CD163L1: variants seen among roughly 807,000 people sequenced by gnomAD.
CD163L1 encodes the protein scavenger receptor cysteine-rich type 1 protein M160.
Under a neutral mutation model 165.4 loss-of-function variants are expected in CD163L1, and 124 were observed. That is an observed-to-expected ratio of 0.75 (90% CI 0.65 to 0.87). The LOEUF is 0.87. Ranked by LOEUF, CD163L1 falls within the 40% of genes least tolerant of loss-of-function variation. CD163L1 has a pLI of 0.00. For synonymous variants in CD163L1, 585 were observed against 662.2 expected (o/e 0.88, Z 1.79); for missense variants, 1,525 against 1,799.9 (o/e 0.85, Z 2.76).
At chr12:7,415,549 T>C (rs749956914) in intron 4 of CD163L1, among the ~76,000 whole-genome samples, 1 of 152,206 alleles carries the variant, frequency 6.6e-6, no homozygotes, top group South Asian at 2.1e-4. Context: ...CTACATAAAG[T>C]ATTTCTTCTA....
chr12:7,441,990 C>T (rs1333737546), intron 1 of CD163L1, among the ~76,000 whole-genome samples: 1 of 151,848 alleles, frequency 6.6e-6, no homozygotes, highest in Non-Finnish European at 1.5e-5. Context: ...AATACACAAG[C>T]GAAGGAGTTG....
At chr12:7,392,687 T>TA (rs1591917456) in intron 8 of CD163L1, among the ~76,000 whole-genome samples, 1 of 151,576 alleles carries the variant, frequency 6.6e-6, no homozygotes, top group East Asian at 1.9e-4. Flanking sequence ...CCAAAACTAA[T>TA]AAAGAAGGAG....
At chr12:7,438,459 G>A (rs1444493868) in intron 2 of CD163L1, among the ~76,000 whole-genome samples, 4 of 152,256 alleles carry the variant, frequency 2.6e-5, no homozygotes, top group Non-Finnish European at 4.4e-5. Flanking sequence ...TGACCAAGCA[G>A]GATGTGAAAA....
downstream of CD163L1, among the ~76,000 whole-genome samples, chr12:7,344,262 G>A (rs1946655061): frequency 6.6e-6 from 1 of 151,626 alleles, no homozygotes; most frequent in South Asian, 2.1e-4. Context: ...TTATTTTTTT[G>A]CACAGATGTT....
At chr12:7,360,864 G>A (rs1031503051) in intron 18 of CD163L1, among the ~76,000 whole-genome samples, 2 of 152,084 alleles carry the variant, frequency 1.3e-5, no homozygotes, top group African/African-American at 2.4e-5. Context: ...ATTTTGGTTC[G>A]TATGTTGGAT....
the CD163L1 span, chr12:7,324,578 C>A: frequency 6.2e-7 from 1 of 1,613,816 alleles, no homozygotes; most frequent in South Asian, 1.1e-5. Flanking sequence ...TGTCAGTAGT[C>A]CAGATCAAAT....
intron 8 of CD163L1, among the ~76,000 whole-genome samples, chr12:7,381,072 C>G (rs1947396795): frequency 6.6e-6 from 1 of 151,908 alleles, no homozygotes; most frequent in African/African-American, 2.4e-5. Context: ...GTATCAGCTT[C>G]TTTTCTATTG....
Position 7,396,171 on chromosome 12 carries a change from A to G in CD163L1, c.1974T>C (p.Asp658=). The G allele has an allele frequency of 1.2e-6, 2 of 1,614,136 alleles. No homozygotes were observed. Among genetic ancestry groups the G allele is most frequent in the South Asian group, 1.1e-5 (1 of 91,080 alleles). ...DDVSCDGDES[D]LWSCRNSGWG... Reference sequence around the variant, plus strand: ...ACCCACTGTTCCTGCATGACCAGAGATCTGACTCATCTCCATCACAGGAAA... The same window carrying G: ...ACCCACTGTTCCTGCATGACCAGAGGTCTGACTCATCTCCATCACAGGAAA... The change falls in exon 8 of 20, where the codon GAT becomes GAC. Residue 658 remains aspartate (D), a synonymous_variant. Transcript: ENST00000313599.
chr12:7,429,147 C>T (rs1386407184), intron 4 of CD163L1, among the ~76,000 whole-genome samples: 1 of 151,900 alleles, frequency 6.6e-6, no homozygotes, highest in East Asian at 1.9e-4. Context: ...TTTTATCTTC[C>T]TCATTTCGTC....
chr12:7,441,009 CTTTA>C (rs1811530373), intron 2 of CD163L1, 141 bp downstream of exon 2: 1 of 579,194 alleles, frequency 1.7e-6, no homozygotes, highest in Admixed American at 2.7e-5. Flanking sequence ...ATTTGGACAC[CTTTA>C]TTTACAGGGT....
At chr12:7,323,696 C>A in the CD163L1 span, 1 of 751,382 alleles carries the variant, frequency 1.3e-6, no homozygotes, top group Non-Finnish European at 2.2e-6. Flanking sequence ...TATCATCTGT[C>A]ACCCAAGAGT....
the CD163L1 span, among the ~76,000 whole-genome samples, chr12:7,339,832 T>C: frequency 6.6e-6 from 1 of 152,186 alleles, no homozygotes; most frequent in Admixed American, 6.5e-5. Context: ...TTTTTCATGC[T>C]AGACAATGAA....
the CD163L1 span, among the ~76,000 whole-genome samples, chr12:7,319,286 TG>T: frequency 1.3e-5 from 2 of 151,806 alleles, no homozygotes; most frequent in African/African-American, 4.8e-5. Context: ...GGAGCTCAGG[TG>T]GTAATGCGGG....
chr12:7,430,620 G>A (rs945548624), intron 4 of CD163L1, among the ~76,000 whole-genome samples: 6 of 152,030 alleles, frequency 3.9e-5, no homozygotes, highest in Non-Finnish European at 7.4e-5. Flanking sequence ...GAGAGAAGGC[G>A]GGAAATTAAA....
Position 7,368,154 on chromosome 12 carries a change from G to A in CD163L1, c.4116C>T (p.Leu1372=), listed in dbSNP as rs773475901. ...TGAGAAATAGAATAAACAGAACCAGGAGAAGGAGCCCAAAGATACTGGATA... is the reference window on the plus strand; with the variant it reads ...TGAGAAATAGAATAAACAGAACCAGAAGAAGGAGCCCAAAGATACTGGATA... The part of the protein sequence containing the change: ...LILSSIFGLL[L]LVLFILFLTW... Residue 1372 remains leucine (L), a synonymous_variant, in exon 17 of 20, where the codon CTC becomes CTT. Coordinates refer to ENST00000313599, the MANE Select transcript of CD163L1 (RefSeq NM_174941.6). The surrounding 1 kb of genome is among the most constrained non-coding windows in gnomAD (Gnocchi z 4.3). The A allele has an allele frequency of 1.2e-6, 2 of 1,612,276 alleles. No homozygotes were observed. The highest frequency in any genetic ancestry group is 1.7e-6 in the Non-Finnish European group (2 of 1,178,454).
the CD163L1 span, among the ~76,000 whole-genome samples, chr12:7,328,976 AC>A: frequency 6.7e-6 from 1 of 148,712 alleles, no homozygotes; most frequent in African/African-American, 2.4e-5. Flanking sequence ...ATACATATAT[AC>A]ATATGTGTAT....
rs923109443 is a variant in CD163L1, at chr12:7,440,115, A to T, written c.124+1039T>A. On this transcript the variant is annotated intron_variant, in intron 2 of 19. Coordinates refer to ENST00000313599, the MANE Select transcript of CD163L1 (RefSeq NM_174941.6). ...GGAAGCCGACCAATGGCGGGCTTGG[A>T]CCCGCCGCGCCAGCGTGGCCACGTC... 4.2e-4 allele frequency: 320 copies of T among 757,178 alleles called. 2 individuals carry two copies. Among genetic ancestry groups the T allele is most frequent in the Admixed American group, 5.8e-4 (26 of 44,748 alleles). The allele number at this position is 757,178 out of a possible 1,614,324, so 46.9% of individuals were successfully genotyped here. A position where few individuals can be genotyped will look rare whatever the true frequency, so the allele number is the denominator to read the frequency against.
rs1591968991 is a variant in CD163L1, at chr12:7,432,656, A to C, written c.526T>G (p.Trp176Gly). 6.2e-7 allele frequency: 1 copy of C among 1,613,988 alleles called. No homozygotes were observed. Among genetic ancestry groups the C allele is most frequent in the African/African-American group, 1.3e-5 (1 of 74,986 alleles). Reference sequence around the variant, plus strand: ...CACCCATCATCACATATAGTTCCCCACCTTTCTTGGAATTTCACCTCCACT... The same window carrying C: ...CACCCATCATCACATATAGTTCCCCCCCTTTCTTGGAATTTCACCTCCACT... ...GRVEVKFQER[W>G]GTICDDGWNL... The change falls in exon 4 of 20, where the codon TGG becomes GGG. Residue 176 changes from tryptophan (W) to glycine (G), a missense_variant. Transcript: ENST00000313599. The surrounding 1 kb of genome is among the most constrained non-coding windows in gnomAD (Gnocchi z 4.2).
chr12:7,396,431 T>C lies in CD163L1; in HGVS notation c.1730-16A>G. ...GTTGCATCACCTGCACCAAGAACAATGAAGCAAGTAGTTAATGGGTGTGAT... is the reference window on the plus strand; with the variant it reads ...GTTGCATCACCTGCACCAAGAACAACGAAGCAAGTAGTTAATGGGTGTGAT... On this transcript the variant is annotated splice_polypyrimidine_tract_variant and intron_variant, in intron 7 of 19. Transcript: ENST00000313599. The C allele has an allele frequency of 6.3e-7, 1 of 1,585,736 alleles. No individual in the cohort carries two copies. The highest frequency in any genetic ancestry group is 8.6e-7 in the Non-Finnish European group (1 of 1,162,300).
Sources: gnomAD v4.1 joint callset for allele counts (sites outside exome capture counted in the v4.1 genomes callset) on GRCh38, gnomAD v4.1.1 for gene constraint, Gnocchi (gnomAD v3.1) non-coding constraint, MANE v1.5 for transcripts, NCBI Gene and HGNC (gene_info 2026-07-23, HGNC 2026-07-21) for gene names.